TIAM1: variants seen among roughly 807,000 people sequenced by gnomAD.
TIAM1 encodes the protein TIAM Rac1 associated GEF 1.
A neutral mutation model predicts 163.5 loss-of-function variants in TIAM1; 65 were observed. The ratio of observed to expected loss-of-function variants is 0.40; its 90% CI spans 0.33 to 0.49. The LOEUF (loss-of-function observed/expected upper bound fraction) is 0.49. Ranked by LOEUF, TIAM1 falls within the 20% of genes least tolerant of loss-of-function variation. TIAM1 has a pLI of 0.77. For synonymous variants in TIAM1, 833 were observed against 810.1 expected (o/e 1.03, Z -0.48); for missense variants, 1,789 against 2,044.7 (o/e 0.87, Z 2.41).
chr21:31,465,262 A>T (rs1470080023), intron 1 of TIAM1, among the ~76,000 whole-genome samples: 1 of 151,622 alleles, frequency 6.6e-6, no homozygotes, highest in Admixed American at 6.6e-5. Context: ...TATTATTTTT[A>T]TTTATTTATT....
intron 1 of TIAM1, among the ~76,000 whole-genome samples, chr21:31,525,413 G>C (rs1032264806): frequency 4.6e-5 from 7 of 150,940 alleles, no homozygotes; most frequent in African/African-American, 1.7e-4. Flanking sequence ...CATAGAGCGA[G>C]AACTCGCTCC....
chr21:31,179,902 ATTTTTTTT>A (rs764892757), intron 15 of TIAM1, among the ~76,000 whole-genome samples: 2 of 131,276 alleles, frequency 1.5e-5, no homozygotes, highest in Non-Finnish European at 1.6e-5. Context: ...ACATACACAG[ATTTTTTTT>A]TTTTTTTTTT....
At chr21:31,344,659 A>G (rs987459860), upstream of TIAM1, among the ~76,000 whole-genome samples, 10 of 152,218 alleles carry the variant, frequency 6.6e-5, no homozygotes, top group East Asian at 1.9e-3. Flanking sequence ...CTAACTCCCA[A>G]ACATCTATTG....
At chr21:31,503,147 C>A (rs1400454192) in intron 1 of TIAM1, among the ~76,000 whole-genome samples, 1 of 152,034 alleles carries the variant, frequency 6.6e-6, no homozygotes, top group Non-Finnish European at 1.5e-5. Flanking sequence ...GTAATCCCAG[C>A]ACTTTGGGAG....
At chr21:31,466,272 T>G (rs2045528981) in intron 1 of TIAM1, among the ~76,000 whole-genome samples, 2 of 151,986 alleles carry the variant, frequency 1.3e-5, no homozygotes, top group South Asian at 4.1e-4. Context: ...GGAGGGGAAA[T>G]TACTAAGAAG....
chr21:31,210,803 A>AAAGAAAGG (rs2086844933), intron 10 of TIAM1, among the ~76,000 whole-genome samples: 7 of 144,062 alleles, frequency 4.9e-5, no homozygotes, highest in African/African-American at 1.9e-4. Context: ...AGAAAGAAAG[A>AAAGAAAGG]AAGAAAGAAA....
intron 2 of TIAM1, among the ~76,000 whole-genome samples, chr21:31,394,722 TCTCTCTCACACACACACA>T (rs1569293454): frequency 5.0e-5 from 6 of 120,694 alleles, no homozygotes; most frequent in Non-Finnish European, 1.0e-4. Flanking sequence ...TCTCTCTCTC[TCTCTCTCACACACACACA>T]CACACACACA....
intron 20 of TIAM1, among the ~76,000 whole-genome samples, chr21:31,143,452 T>TATA (rs1555863324): frequency 1.6e-3 from 237 of 149,300 alleles, no homozygotes; most frequent in African/African-American, 5.5e-3. Context: ...TATATAATTT[T>TATA]TATATATATA....
chr21:31,329,274 C>G (rs1190146656), intron 2 of TIAM1, among the ~76,000 whole-genome samples: 6 of 152,208 alleles, frequency 3.9e-5, no homozygotes, highest in Non-Finnish European at 2.9e-5. Context: ...CTACCTGCAA[C>G]TGAGCACGTG....
At chr21:31,153,669 A>T (rs983633729) in intron 17 of TIAM1, among the ~76,000 whole-genome samples, 1 of 151,652 alleles carries the variant, frequency 6.6e-6, no homozygotes, top group African/African-American at 2.4e-5. Flanking sequence ...CTCAACTTTT[A>T]AAAAAATTAA....
intron 5 of TIAM1, among the ~76,000 whole-genome samples, chr21:31,250,184 G>A (rs2071722400): frequency 6.7e-6 from 1 of 149,924 alleles, no homozygotes; most frequent in Non-Finnish European, 1.5e-5. Context: ...AAAAGATAAT[G>A]CTGTAGGAAT....
intron 27 of TIAM1, among the ~76,000 whole-genome samples, chr21:31,123,536 T>G (rs1471863084): frequency 2.6e-5 from 4 of 152,196 alleles, no homozygotes; most frequent in African/African-American, 9.6e-5. Flanking sequence ...CTAAATTAAA[T>G]TTAAGGTGCT....
intron 1 of TIAM1, among the ~76,000 whole-genome samples, chr21:31,544,125 G>T (rs1003300364): frequency 6.6e-6 from 1 of 150,552 alleles, no homozygotes; most frequent in South Asian, 2.1e-4. Context: ...CAGGAGAATC[G>T]CTTGAACCTG....
chr21:31,335,737 G>C (rs551928889), intron 2 of TIAM1, among the ~76,000 whole-genome samples: 2 of 151,452 alleles, frequency 1.3e-5, no homozygotes, highest in African/African-American at 4.9e-5. Flanking sequence ...AAACTCAAGA[G>C]TCTCCAAATT....
At chr21:31,328,344 T>C (rs1196872094) in intron 2 of TIAM1, among the ~76,000 whole-genome samples, 1 of 152,028 alleles carries the variant, frequency 6.6e-6, no homozygotes, top group East Asian at 1.9e-4. Flanking sequence ...AATCAAGAAA[T>C]GATTGTGCCT....
chr21:31,276,013 G>A (rs1220299651), intron 3 of TIAM1, among the ~76,000 whole-genome samples: 2 of 152,042 alleles, frequency 1.3e-5, no homozygotes, highest in African/African-American at 4.8e-5. Flanking sequence ...AGGATGAAAT[G>A]TATTTATTTC....
chr21:31,400,747 A>G (rs2077150842), intron 2 of TIAM1, among the ~76,000 whole-genome samples: 1 of 152,122 alleles, frequency 6.6e-6, no homozygotes, highest in South Asian at 2.1e-4. Context: ...TGGTTACTGT[A>G]TTCCTGTCAT....
intron 2 of TIAM1, among the ~76,000 whole-genome samples, chr21:31,410,654 G>A (rs1448897682): frequency 6.6e-6 from 1 of 151,930 alleles, no homozygotes; most frequent in African/African-American, 2.4e-5. Flanking sequence ...AAGTGTGTGT[G>A]CTGATATGTA....
intron 1 of TIAM1, among the ~76,000 whole-genome samples, chr21:31,517,009 G>A (rs1458938242): frequency 1.4e-5 from 2 of 147,462 alleles, no homozygotes; most frequent in Admixed American, 6.8e-5. Flanking sequence ...AGATCACGCC[G>A]GTGCACTCCA....
Sources: allele counts gnomAD v4.1 joint callset (sites outside exome capture counted in the v4.1 genomes callset), GRCh38; gene constraint gnomAD v4.1.1; transcripts MANE v1.5; gene names NCBI Gene and HGNC (gene_info 2026-07-23, HGNC 2026-07-21).